Variants in GRM8 observed in about 807,000 individuals in gnomAD.
The protein encoded by GRM8 is glutamate metabotropic receptor 8.
Under a neutral mutation model 87.2 loss-of-function variants are expected in GRM8, and 47 were observed. The observed-to-expected ratio is 0.54, with a 90% CI of 0.43 to 0.69. The LOEUF is 0.69. Ranked by LOEUF, GRM8 falls within the 30% of genes least tolerant of loss-of-function variation. The probability of loss-of-function intolerance (pLI) is 0.00; values close to 1 mark genes in which losing one functional copy is unlikely to be tolerated. For missense variants in GRM8, 1,019 were observed against 1,139.2 expected (o/e 0.89, Z 1.52); for synonymous variants, 396 against 404.5 (o/e 0.98, Z 0.25).
At chr7:127,113,159 C>G (rs370511255) in intron 2 of GRM8, among the ~76,000 whole-genome samples, 18 of 152,292 alleles carry the variant, frequency 1.2e-4, no homozygotes, top group East Asian at 1.2e-3. Flanking sequence ...TCAGCTGCCT[C>G]AAGGTTTCCC....
chr7:126,775,237 A>G (rs1357741098), intron 6 of GRM8, among the ~76,000 whole-genome samples: 1 of 152,132 alleles, frequency 6.6e-6, no homozygotes, highest in Non-Finnish European at 1.5e-5. Flanking sequence ...GAATTTGTGA[A>G]CCTGCTATGA....
chr7:126,639,004 G>T (rs569097990), intron 7 of GRM8, among the ~76,000 whole-genome samples: 43 of 152,204 alleles, frequency 2.8e-4, no homozygotes, highest in African/African-American at 8.4e-4. Flanking sequence ...CTCTAGCCAC[G>T]TGGTCCACTG....
intron 3 of GRM8, among the ~76,000 whole-genome samples, chr7:127,062,647 C>CT (rs1182851425): frequency 1.3e-5 from 2 of 152,050 alleles, no homozygotes; most frequent in Non-Finnish European, 2.9e-5. Context: ...AGGTCCTGGG[C>CT]TTTTTTTGGT....
intron 2 of GRM8, among the ~76,000 whole-genome samples, chr7:127,192,949 C>T (rs911505053): frequency 6.6e-6 from 1 of 152,162 alleles, no homozygotes; most frequent in African/African-American, 2.4e-5. Context: ...CTATATTTTA[C>T]TCATCTTTTA....
chr7:127,202,805 G>A (rs963605675), intron 2 of GRM8, among the ~76,000 whole-genome samples: 3 of 151,992 alleles, frequency 2.0e-5, no homozygotes, highest in Admixed American at 6.6e-5. Context: ...TAAATATGCC[G>A]GTTTCATCCT....
At position 126,685,984 on chromosome 7, in the gene GRM8, T is replaced by C. The variant is rs1206142894; in HGVS notation, c.1358-76486A>G. ...TGCACTTCCTCCCCTCTGAGGCCCATAAAAACCCCCAGACTCAGCCAGACT... is the reference window on the plus strand; with the variant it reads ...TGCACTTCCTCCCCTCTGAGGCCCACAAAAACCCCCAGACTCAGCCAGACT... On this transcript the variant is annotated intron_variant, in intron 7 of 10. Coordinates refer to ENST00000339582, the MANE Select transcript of GRM8 (RefSeq NM_000845.3). The surrounding 1 kb of genome is among the most constrained non-coding windows in gnomAD (Gnocchi z 4.2). Among the ~76,000 whole-genome samples, 2 of 151,362 alleles carry C rather than the reference T, an allele frequency of 1.3e-5. No individual in the cohort carries two copies. Among genetic ancestry groups the C allele is most frequent in the African/African-American group, 4.9e-5 (2 of 41,182 alleles).
At position 126,904,062 on chromosome 7, in the gene GRM8, T is replaced by A; in HGVS notation, c.928A>T (p.Ser310Cys). The part of the protein sequence containing the change: ...SGHFLWIGSD[S>C]WGSKIAPVYQ... ...ACAGGTGCTATTTTGGATCCCCAAC[T>A]ATCTGAGCCAATCCAGAGAAAATGC... Residue 310 changes from serine to cysteine, a missense_variant, in exon 5 of 11, where the codon AGT (serine) becomes TGT (cysteine). Ser to Cys is a moderately radical substitution (Grantham distance 112, BLOSUM62 -1). Transcript: ENST00000339582. 6.2e-7 allele frequency: 1 copy of A among 1,611,574 alleles called. No individual in the cohort carries two copies. The highest frequency in any genetic ancestry group is 8.5e-7 in the Non-Finnish European group (1 of 1,178,074).
At chr7:126,485,928 T>C (rs908362908) in intron 9 of GRM8, among the ~76,000 whole-genome samples, 2 of 151,940 alleles carry the variant, frequency 1.3e-5, no homozygotes, top group African/African-American at 2.4e-5. Context: ...GGCAATAAGA[T>C]AACAAATTAT....
rs193015598 is a variant in GRM8, at chr7:127,167,101, G to C, written c.511-60389C>G. 1.5e-3 allele frequency among the ~76,000 whole-genome samples: 229 copies of C among 152,250 alleles called. 1 individual carries two copies. Among genetic ancestry groups the C allele is most frequent in the Non-Finnish European group, 2.5e-3 (168 of 67,998 alleles). ...AGAAGGTTTAGAGTCTGGCTTCCCA[G>C]TGTGGCTGAAGGTGGAAAGTGGGGG... On this transcript the variant is annotated intron_variant, in intron 2 of 10. Transcript: ENST00000339582.
In GRM8 at chr7:127,010,046, T is replaced by C. The variant is rs149654124; in HGVS notation, c.727+96450A>G. On this transcript the variant is annotated intron_variant, in intron 3 of 10. Coordinates refer to ENST00000339582, the MANE Select transcript of GRM8 (RefSeq NM_000845.3). Reference sequence around the variant, plus strand: ...TTAGTAGTGTCAGGGTTTCACCATGTTGGCCAGGCTGGTCTCGAACTCCTG... The same window carrying C: ...TTAGTAGTGTCAGGGTTTCACCATGCTGGCCAGGCTGGTCTCGAACTCCTG... Among the ~76,000 whole-genome samples the C allele has an allele frequency of 4.7e-3, 721 of 152,210 alleles. 5 individuals carry two copies. Among genetic ancestry groups the C allele is most frequent in the African/African-American group, 0.017 (691 of 41,538 alleles).
At chr7:127,050,611 A>C (rs1819367334) in intron 3 of GRM8, among the ~76,000 whole-genome samples, 1 of 152,206 alleles carries the variant, frequency 6.6e-6, no homozygotes, top group South Asian at 2.1e-4. Flanking sequence ...AGGTGTCCAG[A>C]GAAGCCGAAG....
intron 2 of GRM8, among the ~76,000 whole-genome samples, chr7:127,224,039 G>A (rs17875079): frequency 0.048 from 7,356 of 151,894 alleles, 479 homozygotes; most frequent in African/African-American, 0.13. Context: ...AATTAGGCTG[G>A]GGAAAAAAAT....
chr7:127,006,012 C>G (rs1312521340), intron 3 of GRM8, among the ~76,000 whole-genome samples: 1 of 151,832 alleles, frequency 6.6e-6, no homozygotes, highest in African/African-American at 2.4e-5. Context: ...CCTCTGGCCT[C>G]AAAGCCTCCC....
At chr7:126,866,580 A>ATTTT (rs59013947) in intron 6 of GRM8, among the ~76,000 whole-genome samples, 6 of 68,028 alleles carry the variant, frequency 8.8e-5, no homozygotes, top group South Asian at 5.6e-4. Context: ...CTTTGACTCA[A>ATTTT]TTTTTTTTTT....
At chr7:126,569,604 G>A (rs1307980182) in intron 8 of GRM8, among the ~76,000 whole-genome samples, 2 of 152,156 alleles carry the variant, frequency 1.3e-5, no homozygotes, top group Non-Finnish European at 2.9e-5. Context: ...AACTCAGGGA[G>A]GAAGCGTTCT....
intron 3 of GRM8, among the ~76,000 whole-genome samples, chr7:127,041,399 T>G (rs1818417745): frequency 6.6e-6 from 1 of 152,238 alleles, no homozygotes; most frequent in Admixed American, 6.5e-5. Flanking sequence ...AACTCAAAAT[T>G]TATCAGTGTC....
intron 8 of GRM8, among the ~76,000 whole-genome samples, chr7:126,550,140 C>T (rs930291666): frequency 5.3e-5 from 8 of 150,880 alleles, no homozygotes; most frequent in East Asian, 1.9e-4. Context: ...TTTTCCGAGA[C>T]GGTCTCCCTC....
chr7:126,962,607 A>T (rs1055109222), intron 3 of GRM8, among the ~76,000 whole-genome samples: 1 of 152,216 alleles, frequency 6.6e-6, no homozygotes, highest in African/African-American at 2.4e-5. Context: ...ACCTTAATTG[A>T]TTTATAGATA....
chr7:126,965,738 C>T (rs1809783759), intron 3 of GRM8, among the ~76,000 whole-genome samples: 1 of 152,082 alleles, frequency 6.6e-6, no homozygotes, highest in Non-Finnish European at 1.5e-5. Flanking sequence ...GTATACTCCT[C>T]CTCTATGAAG....
Sources: gnomAD v4.1 joint callset for allele counts (sites outside exome capture counted in the v4.1 genomes callset) on GRCh38, gnomAD v4.1.1 for gene constraint, Gnocchi (gnomAD v3.1) non-coding constraint, MANE v1.5 for transcripts, NCBI Gene and HGNC (gene_info 2026-07-23, HGNC 2026-07-21) for gene names.